TPH2: variants seen among roughly 807,000 people sequenced by gnomAD.
TPH2 encodes tryptophan hydroxylase 2.
In TPH2, 27 loss-of-function variants were observed where a neutral mutation model predicts 59.1. The observed-to-expected ratio is 0.46, with a 90% CI of 0.34 to 0.63. TPH2 has a LOEUF of 0.63. Ranked by LOEUF, TPH2 falls within the 30% of genes least tolerant of loss-of-function variation. TPH2 has a pLI of 0.01. For missense variants in TPH2, 523 were observed against 588.3 expected, an observed-to-expected ratio of 0.89 and a Z score of 1.15; for synonymous variants, 220 against 210.5, an observed-to-expected ratio of 1.05 and a Z score of -0.39.
intron 1 of TPH2, among the ~76,000 whole-genome samples, chr12:71,939,307 T>C (rs2139173850): frequency 6.6e-6 from 1 of 152,090 alleles, no homozygotes; most frequent in Middle Eastern, 3.4e-3. Flanking sequence ...CTCAACTTTT[T>C]TTCCGCAAAG....
intron 7 of TPH2, among the ~76,000 whole-genome samples, chr12:71,994,142 G>C (rs1265152952): frequency 6.6e-6 from 1 of 152,164 alleles, no homozygotes; most frequent in African/African-American, 2.4e-5. Flanking sequence ...GAGAATAAAA[G>C]ATATAAAGCA....
chr12:72,017,236 C>A (rs1282040249), intron 8 of TPH2, among the ~76,000 whole-genome samples: 2 of 152,162 alleles, frequency 1.3e-5, no homozygotes, highest in Non-Finnish European at 2.9e-5. Context: ...GAATGGTGTA[C>A]TACCAGTAGT....
chr12:71,985,925 G>A (rs1399929898), intron 7 of TPH2, among the ~76,000 whole-genome samples: 1 of 152,180 alleles, frequency 6.6e-6, no homozygotes, highest in Non-Finnish European at 1.5e-5. Flanking sequence ...GGAGAAAGAA[G>A]GGGACAGCAC....
intron 4 of TPH2, among the ~76,000 whole-genome samples, chr12:71,945,470 A>G (rs1399695354): frequency 6.6e-6 from 1 of 152,120 alleles, no homozygotes; most frequent in Admixed American, 6.6e-5. Context: ...ATGGGCAGAT[A>G]AAAGAGTGAA....
At chr12:71,962,357 G>A (rs1157742276) in intron 5 of TPH2, 1 of 985,302 alleles carries the variant, frequency 1.0e-6, no homozygotes, top group Non-Finnish European at 1.2e-6. Context: ...TCTGTATTTA[G>A]TTAAGTTCGG....
At chr12:71,991,998 T>C (rs1342907840) in intron 7 of TPH2, among the ~76,000 whole-genome samples, 1 of 152,154 alleles carries the variant, frequency 6.6e-6, no homozygotes, top group Non-Finnish European at 1.5e-5. Flanking sequence ...AATGCTCAGG[T>C]TTACCTCAGG....
At chr12:71,955,677 C>T (rs1397190132) in intron 5 of TPH2, among the ~76,000 whole-genome samples, 1 of 152,172 alleles carries the variant, frequency 6.6e-6, no homozygotes, top group African/African-American at 2.4e-5. Context: ...AATATAGTAA[C>T]AAAACTTAGA....
intron 6 of TPH2, among the ~76,000 whole-genome samples, chr12:71,977,450 C>T (rs1872152552): frequency 7.8e-6 from 1 of 127,466 alleles, no homozygotes; most frequent in Non-Finnish European, 1.5e-5. Context: ...GCTCTTACTA[C>T]ACACACACAC....
Position 72,007,181 on chromosome 12 carries a change from G to GTAA in TPH2, c.1068+12616_1068+12617insTAA, listed in dbSNP as rs746988578. On this transcript the variant is annotated intron_variant, in intron 8 of 10. Transcript: ENST00000333850. The stretch of plus-strand genomic sequence containing the variant: ...TTTAACCATAAATAATAGAGGTAAG[G>GTAA]CCTCCCCTAAGAGATGTCGAGCTTC... Among the ~76,000 whole-genome samples the GTAA allele has an allele frequency of 5.1e-3, 774 of 152,270 alleles. 3 individuals are homozygous for GTAA. Among genetic ancestry groups the GTAA allele is most frequent in the Non-Finnish European group, 8.7e-3 (590 of 68,012 alleles).
At chr12:71,960,712 A>G (rs1052986396) in intron 5 of TPH2, among the ~76,000 whole-genome samples, 1 of 152,198 alleles carries the variant, frequency 6.6e-6, no homozygotes. Context: ...GTCCTGTATC[A>G]CTTACTGACA....
At chr12:71,949,702 A>G in intron 5 of TPH2, 47 bp downstream of exon 5, 1 of 1,517,390 alleles carries the variant, frequency 6.6e-7, no homozygotes, top group Non-Finnish European at 9.2e-7. Flanking sequence ...GTTAGGAAAA[A>G]CACATGCTGT....
intron 6 of TPH2, among the ~76,000 whole-genome samples, chr12:71,976,200 T>C (rs1002928234): frequency 6.6e-6 from 1 of 152,176 alleles, no homozygotes; most frequent in Admixed American, 6.5e-5. Flanking sequence ...ACAAGGTGGT[T>C]GAGAGGAGAA....
chr12:72,021,032 T>G (rs962018818), intron 8 of TPH2, among the ~76,000 whole-genome samples: 46 of 141,932 alleles, frequency 3.2e-4, no homozygotes, highest in Non-Finnish European at 5.6e-4. Context: ...ATAATTATTA[T>G]TTTCTGCCCC....
At chr12:71,965,885 C>A (rs140793569) in intron 5 of TPH2, among the ~76,000 whole-genome samples, 1 of 152,290 alleles carries the variant, frequency 6.6e-6, no homozygotes, top group East Asian at 1.9e-4. Context: ...AAATCTTTGC[C>A]TGTTCCCATA....
intron 7 of TPH2, among the ~76,000 whole-genome samples, chr12:71,992,175 A>T (rs1872590572): frequency 6.6e-6 from 1 of 152,228 alleles, no homozygotes; most frequent in Non-Finnish European, 1.5e-5. Flanking sequence ...CTCTCTTCCT[A>T]CGGCCTAAGC....
intron 8 of TPH2, among the ~76,000 whole-genome samples, chr12:72,014,905 G>A (rs1170143552): frequency 6.6e-6 from 1 of 152,150 alleles, no homozygotes; most frequent in African/African-American, 2.4e-5. Flanking sequence ...CATAGTTTAA[G>A]CAATGCAGCC....
chr12:72,026,740 G>T lies in TPH2; in HGVS notation c.1164+4246G>T, dbSNP rs117135356. On this transcript the variant is annotated intron_variant, in intron 9 of 10. Coordinates refer to ENST00000333850, the MANE Select transcript of TPH2 (RefSeq NM_173353.4). ...TTTGTGGAAGGATTGCTTGAAGATG[G>T]AGGTTGTTCCCTCAACCCTGCAGCT... 9.7e-4 allele frequency among the ~76,000 whole-genome samples: 147 copies of T among 152,310 alleles called. 4 individuals carry two copies. In the East Asian group the frequency reaches 0.028, roughly 29 times the overall value.
In TPH2 at chr12:71,994,539, G is replaced by A; in HGVS notation, c.1042G>A (p.Asp348Asn). 1 of 1,613,982 alleles carries A rather than the reference G, an allele frequency of 6.2e-7. No individual in the cohort carries two copies. Among genetic ancestry groups the A allele is most frequent in the Non-Finnish European group, 8.5e-7 (1 of 1,179,854 alleles). Residue 348 changes from aspartate (D) to asparagine (N), a missense_variant, in exon 8 of 11, where the codon GAT becomes AAT. Coordinates refer to ENST00000333850, the MANE Select transcript of TPH2 (RefSeq NM_173353.4). ...AGGTCTGGCGTCTCTGGGAGCATCA[G>A]ATGAAGATGTTCAGAAACTAGCCAC... ...EIGLASLGAS[D>N]EDVQKLATCY...
At chr12:71,967,585 A>C (rs1479823755) in intron 5 of TPH2, among the ~76,000 whole-genome samples, 1 of 152,356 alleles carries the variant, frequency 6.6e-6, no homozygotes, top group East Asian at 1.9e-4. Context: ...GAACCTGTGA[A>C]TTATAATTTT....
Sources: allele counts gnomAD v4.1 joint callset (sites outside exome capture counted in the v4.1 genomes callset), GRCh38; gene constraint gnomAD v4.1.1; transcripts MANE v1.5; gene names NCBI Gene and HGNC (gene_info 2026-07-23, HGNC 2026-07-21).